FBXO10: variants seen among roughly 807,000 people sequenced by gnomAD.
The protein encoded by FBXO10 is F-box protein 10.
A neutral mutation model predicts 80.7 loss-of-function variants in FBXO10; 39 were observed. The observed-to-expected ratio is 0.48, with a 90% confidence interval of 0.37 to 0.63. The LOEUF (loss-of-function observed/expected upper bound fraction) is 0.63. Ranked by LOEUF, FBXO10 falls within the 30% of genes least tolerant of loss-of-function variation. FBXO10 has a pLI of 0.00. For synonymous variants in FBXO10, 449 were observed against 489.6 expected (o/e 0.92, Z 1.09); for missense variants, 1,025 against 1,269.0 (o/e 0.81, Z 2.92).
At chr9:37,512,972 G>C (rs1398140667) in intron 10 of FBXO10, among the ~76,000 whole-genome samples, 1 of 152,206 alleles carries the variant, frequency 6.6e-6, no homozygotes, top group Non-Finnish European at 1.5e-5. Flanking sequence ...TCCCTCTGTA[G>C]GCCTCAATTT....
intron 1 of FBXO10, among the ~76,000 whole-genome samples, chr9:37,557,382 C>T (rs1205970962): frequency 6.6e-6 from 1 of 152,276 alleles, no homozygotes; most frequent in Admixed American, 6.5e-5. Context: ...GGCTCTGCCT[C>T]TGATTATTCT....
At chr9:37,514,502 G>A (rs1329396140) in intron 10 of FBXO10, among the ~76,000 whole-genome samples, 1 of 152,098 alleles carries the variant, frequency 6.6e-6, no homozygotes, top group Non-Finnish European at 1.5e-5. Flanking sequence ...AGTTTATAAT[G>A]TAAATAATAT....
chr9:37,553,012 TTG>T (rs74171513), intron 1 of FBXO10, among the ~76,000 whole-genome samples: 24,727 of 144,116 alleles, frequency 0.17, 1,970 homozygotes, highest in East Asian at 0.23. Context: ...CCAATTCAGG[TTG>T]TGTGTGTGTG....
chr9:37,527,664 G>C lies in FBXO10; in HGVS notation c.1706+1460C>G, dbSNP rs139856174. On this transcript the variant is annotated intron_variant, in intron 5 of 10. Coordinates refer to ENST00000432825, the MANE Select transcript of FBXO10 (RefSeq NM_012166.3). ...GGTGAGTCTTCCATCATGGCTGTGT[G>C]AGTGTGTGTCCATCTCCAGCATAAG... 2.9e-4 allele frequency among the ~76,000 whole-genome samples: 44 copies of C among 152,302 alleles called. No homozygotes were observed. In the East Asian group the frequency reaches 7.9e-3, roughly 27 times the overall value.
chr9:37,569,347 CTTTATA>C (rs1822688497), intron 1 of FBXO10, among the ~76,000 whole-genome samples: 1 of 143,184 alleles, frequency 7.0e-6, no homozygotes, highest in South Asian at 2.2e-4. Flanking sequence ...GATAAAACAA[CTTTATA>C]TTTGTATATG....
Position 37,541,298 on chromosome 9 carries a change from C to A in FBXO10, c.471G>T (p.Gly157=). 3 of 1,613,996 alleles carry A rather than the reference C, an allele frequency of 1.9e-6. No individual in the cohort carries two copies. The highest frequency in any genetic ancestry group is 2.5e-6 in the Non-Finnish European group (3 of 1,179,882). ...IILKVPVEIV[G]QGKLGEVALL... is the part of the protein sequence containing the mutation. ...GGGCCACTTCACCCAACTTCCCCTG[C>A]CCTACAATCTCCACAGGCACCTTCA... The change falls in exon 2 of 11, where the codon GGG becomes GGT. Residue 157 remains glycine, a synonymous_variant. Transcript: ENST00000432825.
At chr9:37,522,454 T>C (rs1821368026) in intron 7 of FBXO10, 1 of 1,040,920 alleles carries the variant, frequency 9.6e-7, no homozygotes. Context: ...TTTCTTCCTG[T>C]GATTATCTTG....
chr9:37,529,346 C>T, intron 4 of FBXO10, 86 bp from the exon 5 acceptor site: 1 of 1,445,826 alleles, frequency 6.9e-7, no homozygotes, highest in Non-Finnish European at 9.5e-7. Context: ...ACCTCCGCGG[C>T]AGGATGAACA....
rs755599192 is a variant in FBXO10, at chr9:37,537,267, A to G, written c.1262T>C (p.Met421Thr). Residue 421 changes from methionine to threonine, a missense_variant, in exon 3 of 11, where the codon ATG (methionine) becomes ACG (threonine). Transcript: ENST00000432825. The part of the protein sequence containing the change: ...QQELQKDKEA[M>T]ALANSVQGCL... ...GCCCTGCACGGAGTTGGCCAGTGCC[A>G]TGGCCTCCTTATCCTTCTGCAGCTC... 2.5e-6 allele frequency: 4 copies of G among 1,613,838 alleles called. No individual in the cohort carries two copies. The East Asian group carries it at 8.9e-5, about 36-fold the overall frequency.
chr9:37,532,120 G>A (rs1261341438), intron 3 of FBXO10, 62 bp from the exon 4 acceptor site: 4 of 1,523,708 alleles, frequency 2.6e-6, no homozygotes, highest in Non-Finnish European at 3.6e-6. Context: ...GAAACCACTG[G>A]AGGAACACCT....
intron 1 of FBXO10, among the ~76,000 whole-genome samples, chr9:37,575,358 G>C (rs544291834): frequency 6.6e-6 from 1 of 152,296 alleles, no homozygotes; most frequent in East Asian, 1.9e-4. Context: ...TAAAAATATA[G>C]AAACAAATGT....
Position 37,517,875 on chromosome 9 carries a change from G to C in FBXO10, c.2514+250C>G, listed in dbSNP as rs985529002. On this transcript the variant is annotated intron_variant, in intron 9 of 10. Coordinates refer to ENST00000432825, the MANE Select transcript of FBXO10 (RefSeq NM_012166.3). ...TAACTCGGGAGGCTCCCAACACCATGACAAGGAGGGGACACCCCATCCCTG... is the reference window on the plus strand; with the variant it reads ...TAACTCGGGAGGCTCCCAACACCATCACAAGGAGGGGACACCCCATCCCTG... Among the ~76,000 whole-genome samples the C allele has an allele frequency of 6.6e-5, 10 of 152,216 alleles. No individual in the cohort carries two copies. In the South Asian group the frequency reaches 1.0e-3, roughly 16 times the overall value.
chr9:37,564,177 G>A (rs891472363), intron 1 of FBXO10, among the ~76,000 whole-genome samples: 16 of 152,362 alleles, frequency 1.1e-4, no homozygotes, highest in African/African-American at 3.1e-4. Context: ...ACTCACTGGT[G>A]GCTTCCACAT....
chr9:37,537,025 T>C, intron 3 of FBXO10, 85 bp downstream of exon 3: 1 of 1,069,612 alleles, frequency 9.3e-7, no homozygotes, highest in Non-Finnish European at 1.4e-6. Context: ...AAGAAAATTA[T>C]TTTTAAAATG....
chr9:37,555,826 G>A (rs970000376), intron 1 of FBXO10, among the ~76,000 whole-genome samples: 1 of 152,032 alleles, frequency 6.6e-6, no homozygotes, highest in Admixed American at 6.6e-5. Context: ...CTTTTGATGA[G>A]AAGTTTTTAA....
At chr9:37,522,162 A>G (rs1821362204) in intron 7 of FBXO10, among the ~76,000 whole-genome samples, 1 of 152,180 alleles carries the variant, frequency 6.6e-6, no homozygotes, top group African/African-American at 2.4e-5. Flanking sequence ...CCTGCATAGG[A>G]GGCAGCCTCA....
chr9:37,575,668 G>C (rs913809185), intron 1 of FBXO10: 1 of 152,280 alleles, frequency 6.6e-6, no homozygotes, highest in African/African-American at 2.4e-5. Flanking sequence ...AGTCCTAAGA[G>C]CGAGGCAGGA....
At chr9:37,533,432 G>A (rs1037675831) in intron 3 of FBXO10, among the ~76,000 whole-genome samples, 9 of 151,992 alleles carry the variant, frequency 5.9e-5, no homozygotes, top group African/African-American at 1.9e-4. Flanking sequence ...TGTAGTCCCA[G>A]CTACTCAGGA....
At chr9:37,548,155 C>A (rs569135383) in intron 1 of FBXO10, among the ~76,000 whole-genome samples, 1 of 152,122 alleles carries the variant, frequency 6.6e-6, no homozygotes, top group Non-Finnish European at 1.5e-5. Context: ...GAGGCCAGGG[C>A]GGGTGGATCA....
Sources: allele counts gnomAD v4.1 joint callset (sites outside exome capture counted in the v4.1 genomes callset), GRCh38; gene constraint gnomAD v4.1.1; transcripts MANE v1.5; gene names NCBI Gene and HGNC (gene_info 2026-07-23, HGNC 2026-07-21).